Variants in IMMP2L observed in about 807,000 individuals in gnomAD.
The protein encoded by IMMP2L is mitochondrial inner membrane protease subunit 2.
In IMMP2L, 18 loss-of-function variants were observed where a neutral mutation model predicts 19.3. That is an observed-to-expected ratio of 0.93 (90% CI 0.64 to 1.38). IMMP2L has a LOEUF of 1.38. Ranked by LOEUF, IMMP2L falls within the 40% of genes most tolerant of loss-of-function variation. The pLI is 0.00. For missense variants in IMMP2L, 233 were observed against 218.2 expected, an observed-to-expected ratio of 1.07 and a Z score of -0.43; for synonymous variants, 76 against 73.0, an observed-to-expected ratio of 1.04 and a Z score of -0.21.
rs1336878030 is a variant in IMMP2L at position 110,764,916 on chromosome 7, C to T, written c.409-101195G>A. Among the ~76,000 whole-genome samples the T allele has an allele frequency of 3.3e-5, 5 of 152,068 alleles. No individual in the cohort carries two copies. In the East Asian group the frequency reaches 9.6e-4, roughly 29 times the overall value. Reference sequence around the variant, plus strand: ...AAAAACATTAAAAACTAGTTAATGTCTTTGTGGTTTCTTGTATTGATCGAA... The same window carrying T: ...AAAAACATTAAAAACTAGTTAATGTTTTTGTGGTTTCTTGTATTGATCGAA... On this transcript the variant is annotated intron_variant, in intron 5 of 5. Transcript: ENST00000405709.
intron 3 of IMMP2L, among the ~76,000 whole-genome samples, chr7:111,025,540 A>G (rs1252582275): frequency 6.6e-6 from 1 of 152,200 alleles, no homozygotes; most frequent in East Asian, 1.9e-4. Flanking sequence ...ATTCTTAAAC[A>G]TCTAGAAAAG....
chr7:110,718,796 T>C (rs113803822), intron 5 of IMMP2L, among the ~76,000 whole-genome samples: 3,864 of 152,162 alleles, frequency 0.025, 63 homozygotes, highest in Middle Eastern at 0.065. Flanking sequence ...CAGATGCAGA[T>C]AGAGGTTGGC....
At chr7:110,685,616 A>C (rs1257287224) in intron 5 of IMMP2L, among the ~76,000 whole-genome samples, 1 of 152,216 alleles carries the variant, frequency 6.6e-6, no homozygotes, top group East Asian at 1.9e-4. Flanking sequence ...ATGATGGTTT[A>C]TTGTAAGTAT....
chr7:110,912,260 T>G (rs892242845), intron 4 of IMMP2L, among the ~76,000 whole-genome samples: 2 of 152,108 alleles, frequency 1.3e-5, no homozygotes, highest in African/African-American at 4.8e-5. Flanking sequence ...TAGAATTCTA[T>G]TCAGCAAAAA....
intron 2 of IMMP2L, among the ~76,000 whole-genome samples, chr7:111,490,240 A>G (rs1193549364): frequency 1.3e-5 from 2 of 150,304 alleles, no homozygotes; most frequent in Non-Finnish European, 3.0e-5. Context: ...CTACAGGTCT[A>G]CAAGTGCATA....
rs555915636 is a variant in IMMP2L, at chr7:111,355,566, A to G, written c.239+131672T>C. Among the ~76,000 whole-genome samples the G allele has an allele frequency of 1.1e-4, 17 of 151,876 alleles. No individual in the cohort carries two copies. In the East Asian group the frequency reaches 3.3e-3, roughly 29 times the overall value. ...TAAATACCCACCAGTTTTAAGAGCA[A>G]TTTTGAAAACTTCTACTCAAAACAG... On this transcript the variant is annotated intron_variant, in intron 3 of 5. Coordinates refer to ENST00000405709, the MANE Select transcript of IMMP2L (RefSeq NM_032549.4).
chr7:111,237,875 A>C (rs1814521023), intron 3 of IMMP2L, among the ~76,000 whole-genome samples: 1 of 152,014 alleles, frequency 6.6e-6, no homozygotes, highest in Admixed American at 6.6e-5. Context: ...ATGCTCCCTA[A>C]GCTTTACTTT....
At chr7:110,988,582 T>C (rs947111737) in intron 3 of IMMP2L, among the ~76,000 whole-genome samples, 2 of 151,908 alleles carry the variant, frequency 1.3e-5, no homozygotes, top group Non-Finnish European at 2.9e-5. Flanking sequence ...GAAAAAGAGG[T>C]AAAAATGAGG....
chr7:111,014,675 G>A (rs1825324362), intron 3 of IMMP2L, among the ~76,000 whole-genome samples: 1 of 152,028 alleles, frequency 6.6e-6, no homozygotes, highest in Admixed American at 6.6e-5. Context: ...TCATATATTT[G>A]ATGAGGGGCT....
At chr7:111,518,640 G>T (rs541749469) in intron 2 of IMMP2L, among the ~76,000 whole-genome samples, 1 of 152,230 alleles carries the variant, frequency 6.6e-6, no homozygotes, top group East Asian at 1.9e-4. Flanking sequence ...AAGCTGTATA[G>T]TAGCAAAGAT....
At chr7:111,404,736 C>G (rs1472870295) in intron 3 of IMMP2L, among the ~76,000 whole-genome samples, 1 of 151,970 alleles carries the variant, frequency 6.6e-6, no homozygotes, top group Non-Finnish European at 1.5e-5. Flanking sequence ...ACAATAATAT[C>G]AAGCAGTAGC....
chr7:111,008,686 T>C (rs1193646451), intron 3 of IMMP2L, among the ~76,000 whole-genome samples: 1 of 152,002 alleles, frequency 6.6e-6, no homozygotes, highest in East Asian at 1.9e-4. Flanking sequence ...GACAGGAACC[T>C]TAGTCAAATG....
intron 3 of IMMP2L, among the ~76,000 whole-genome samples, chr7:111,429,243 C>T (rs1836391595): frequency 6.6e-6 from 1 of 151,774 alleles, no homozygotes; most frequent in Non-Finnish European, 1.5e-5. Flanking sequence ...ACATGTGGGG[C>T]CTGGGGAAGG....
rs541702984 is a variant in IMMP2L at position 111,029,191 on chromosome 7, C to T, written c.240-65626G>A. 7.9e-5 allele frequency among the ~76,000 whole-genome samples: 12 copies of T among 152,130 alleles called. No homozygotes were observed. The East Asian group carries it at 9.7e-4, about 12-fold the overall frequency. ...GGACATTGATCCAATTTCCATAAACCACTGCATAACCTAGGTACAACACAG... is the reference window on the plus strand; with the variant it reads ...GGACATTGATCCAATTTCCATAAACTACTGCATAACCTAGGTACAACACAG... On this transcript the variant is annotated intron_variant, in intron 3 of 5. Coordinates refer to ENST00000405709, the MANE Select transcript of IMMP2L (RefSeq NM_032549.4).
chr7:111,431,632 C>CA (rs762929809), intron 3 of IMMP2L, among the ~76,000 whole-genome samples: 28 of 151,784 alleles, frequency 1.8e-4, no homozygotes, highest in Non-Finnish European at 2.8e-4. Flanking sequence ...GTTAGGGCCA[C>CA]AAAAATGTGG....
intron 5 of IMMP2L, among the ~76,000 whole-genome samples, chr7:110,876,820 A>C (rs1276842906): frequency 1.3e-5 from 2 of 152,094 alleles, no homozygotes; most frequent in Non-Finnish European, 2.9e-5. Flanking sequence ...TCTTGCCAGG[A>C]TACCTCTCAT....
intron 3 of IMMP2L, among the ~76,000 whole-genome samples, chr7:111,393,734 A>G (rs1563138517): frequency 6.6e-6 from 1 of 152,198 alleles, no homozygotes. Flanking sequence ...CAACTTTGAA[A>G]TCTAATGTAT....
At chr7:111,467,681 T>C (rs969364637) in intron 3 of IMMP2L, among the ~76,000 whole-genome samples, 1 of 152,292 alleles carries the variant, frequency 6.6e-6, no homozygotes. Flanking sequence ...ATTCTGAGTA[T>C]ATGCAAAAAT....
At position 110,881,186 on chromosome 7, in the gene IMMP2L, A is replaced by C. The variant is rs547963672; in HGVS notation, c.408+5407T>G. Among the ~76,000 whole-genome samples the C allele has an allele frequency of 8.5e-5, 13 of 152,288 alleles. No individual in the cohort carries two copies. In the South Asian group the frequency reaches 2.7e-3, roughly 32 times the overall value. ...TTCTTGGTGTTGAACACAGCTTCTG[A>C]GAATGGGCTCTCTTTTGAGACTTAG... On this transcript the variant is annotated intron_variant, in intron 5 of 5. Coordinates refer to ENST00000405709, the MANE Select transcript of IMMP2L (RefSeq NM_032549.4).
Sources: gnomAD v4.1 joint callset for allele counts (sites outside exome capture counted in the v4.1 genomes callset) on GRCh38, gnomAD v4.1.1 for gene constraint, MANE v1.5 for transcripts, NCBI Gene and HGNC (gene_info 2026-07-23, HGNC 2026-07-21) for gene names.